PARD3B: variants seen among roughly 807,000 people sequenced by gnomAD.
PARD3B encodes partitioning defective 3 homolog B.
In PARD3B, 103 loss-of-function variants were observed where a neutral mutation model predicts 130.2. The ratio of observed to expected loss-of-function variants is 0.79; its 90% CI spans 0.67 to 0.93. The LOEUF is 0.93. PARD3B is among the 40% of genes least tolerant of loss of function. The pLI is 0.00. For missense variants in PARD3B, 1,609 were observed against 1,499.2 expected (o/e 1.07, Z -1.21); for synonymous variants, 583 against 553.2 (o/e 1.05, Z -0.76).
rs183893707 is a variant in PARD3B, at chr2:205,341,058, C to A, written c.2630+39357C>A. On this transcript the variant is annotated intron_variant, in intron 18 of 22. Coordinates refer to ENST00000406610, the MANE Select transcript of PARD3B (RefSeq NM_001302769.2). The surrounding 1 kb of genome is among the most constrained non-coding windows in gnomAD (Gnocchi z 4.3). ...AACCACAGTGAGATTTCATCTTATC[C>A]GAGTTTGAATGGCTATGATCAAAAA... Among the ~76,000 whole-genome samples the A allele has an allele frequency of 6.6e-6, 1 of 151,502 alleles. No individual in the cohort carries two copies. Among genetic ancestry groups the A allele is most frequent in the South Asian group, 2.1e-4 (1 of 4,820 alleles).
rs141078394 is a variant in PARD3B, at chr2:204,911,611, A to T, written c.223-53541A>T. On this transcript the variant is annotated intron_variant, in intron 2 of 22. Transcript: ENST00000406610. The stretch of plus-strand genomic sequence containing the variant: ...AGAAACCTTCATTTCAGTCTGCAAC[A>T]GTGTTGTTCTATGATGTGCTTAATG... Among the ~76,000 whole-genome samples, 332 of 152,306 alleles carry T rather than the reference A, an allele frequency of 2.2e-3. 3 individuals carry two copies. The highest frequency in any genetic ancestry group is 7.8e-3 in the African/African-American group (324 of 41,572).
In PARD3B at chr2:205,210,962, T is replaced by G. The variant is rs1348147258; in HGVS notation, c.2140+17642T>G. ...TTGCTCACAGGGGAAAATAGATACT[T>G]TGCTTTCATTTAAATGTTACCCTCT... On this transcript the variant is annotated intron_variant, in intron 15 of 22. Transcript: ENST00000406610. Among the ~76,000 whole-genome samples, 4 of 152,184 alleles carry G rather than the reference T, an allele frequency of 2.6e-5. No homozygotes were observed. The East Asian group carries it at 5.8e-4, about 22-fold the overall frequency.
intron 3 of PARD3B, among the ~76,000 whole-genome samples, chr2:204,987,541 A>T (rs1002717608): frequency 6.6e-6 from 1 of 152,202 alleles, no homozygotes; most frequent in East Asian, 1.9e-4. Context: ...ATGAACTCAG[A>T]TCATCATCTC....
chr2:204,902,097 A>G (rs1260697696), intron 2 of PARD3B, among the ~76,000 whole-genome samples: 1 of 152,220 alleles, frequency 6.6e-6, no homozygotes, highest in Non-Finnish European at 1.5e-5. Flanking sequence ...GCCTGGCTGC[A>G]TGGACCGTTT....
chr2:204,754,558 G>A (rs181686614), intron 2 of PARD3B, among the ~76,000 whole-genome samples: 87 of 152,242 alleles, frequency 5.7e-4, no homozygotes, highest in Non-Finnish European at 5.9e-5. Context: ...CATTTAGAAT[G>A]TCTGGCATGT....
intron 15 of PARD3B, among the ~76,000 whole-genome samples, chr2:205,210,839 G>A (rs528737322): frequency 6.6e-6 from 1 of 152,100 alleles, no homozygotes; most frequent in East Asian, 1.9e-4. Context: ...TATTGTGAAT[G>A]ATCTGAGCAT....
intron 18 of PARD3B, among the ~76,000 whole-genome samples, chr2:205,329,695 T>A (rs2043046430): frequency 6.6e-6 from 1 of 152,108 alleles, no homozygotes; most frequent in Non-Finnish European, 1.5e-5. Context: ...GAAATATGTA[T>A]AAGAAATAAT....
intron 2 of PARD3B, among the ~76,000 whole-genome samples, chr2:204,815,710 C>T (rs1296611028): frequency 1.3e-5 from 2 of 151,966 alleles, no homozygotes; most frequent in African/African-American, 2.4e-5. Flanking sequence ...CTTTGATATG[C>T]TTTGTTTTAA....
intron 21 of PARD3B, among the ~76,000 whole-genome samples, chr2:205,546,942 A>G (rs1484175860): frequency 1.3e-5 from 2 of 152,176 alleles, no homozygotes; most frequent in Non-Finnish European, 2.9e-5. Context: ...ATGCCATTAA[A>G]ATATGTATGT....
intron 18 of PARD3B, among the ~76,000 whole-genome samples, chr2:205,396,566 G>T (rs2046038259): frequency 6.6e-6 from 1 of 152,128 alleles, no homozygotes; most frequent in Non-Finnish European, 1.5e-5. Context: ...GTTGAAAGGT[G>T]ATTTTTCCAC....
At chr2:205,391,720 C>T (rs1359908811) in intron 18 of PARD3B, among the ~76,000 whole-genome samples, 4 of 152,284 alleles carry the variant, frequency 2.6e-5, no homozygotes, top group Admixed American at 2.0e-4. Context: ...ACTTAAAACT[C>T]AATGACAGTG....
intron 2 of PARD3B, among the ~76,000 whole-genome samples, chr2:204,846,684 G>A (rs769712025): frequency 2.0e-5 from 3 of 150,320 alleles, no homozygotes; most frequent in Admixed American, 6.7e-5. Flanking sequence ...GTGAGCACAC[G>A]AGATAGCCAG....
chr2:204,875,701 A>G (rs2045814688), intron 2 of PARD3B, among the ~76,000 whole-genome samples: 2 of 152,228 alleles, frequency 1.3e-5, no homozygotes, highest in South Asian at 4.1e-4. Context: ...TTCTCAGAGC[A>G]GTTCTTAATC....
rs1313928165 is a variant in PARD3B at position 205,172,318 on chromosome 2, G to T, written c.1728G>T (p.Met576Ile). The T allele has an allele frequency of 6.2e-7, 1 of 1,614,140 alleles. No homozygotes were observed. ...AMETLRRSMS[M>I]EGNIRGMIQL... ...AAACACTTAGGCGGTCAATGTCCATGGAGGGAAACATCCGAGGGATGATCC... is the reference window on the plus strand; with the variant it reads ...AAACACTTAGGCGGTCAATGTCCATTGAGGGAAACATCCGAGGGATGATCC... The change falls in exon 12 of 23, where the codon ATG (methionine) becomes ATT (isoleucine). Residue 576 changes from methionine (M) to isoleucine (I), a missense_variant. Physicochemically the swap from Met to Ile is conservative, Grantham distance 10. Coordinates refer to ENST00000406610, the MANE Select transcript of PARD3B (RefSeq NM_001302769.2).
rs143165206 is a variant in PARD3B, at chr2:205,437,880, A to G, written c.2742-2490A>G. Among the ~76,000 whole-genome samples the G allele has an allele frequency of 2.2e-4, 34 of 152,288 alleles. No individual in the cohort carries two copies. In the East Asian group the frequency reaches 5.6e-3, roughly 25 times the overall value. On this transcript the variant is annotated intron_variant, in intron 19 of 22. Transcript: ENST00000406610. ...AAATATTTTAACAGGTTGAGTTCCC[A>G]GTGGTAAGGAAACCTCTAAGTGGAA...
chr2:205,410,857 A>G (rs1036122943), intron 19 of PARD3B, among the ~76,000 whole-genome samples: 3 of 152,132 alleles, frequency 2.0e-5, no homozygotes, highest in African/African-American at 7.2e-5. Flanking sequence ...ATTTGAAAGG[A>G]TGCTCAATCT....
chr2:204,674,074 G>T (rs1384184498), intron 1 of PARD3B, among the ~76,000 whole-genome samples: 2 of 152,098 alleles, frequency 1.3e-5, no homozygotes, highest in African/African-American at 4.8e-5. Flanking sequence ...GTCTTCATTT[G>T]TATGACAAAT....
At chr2:204,743,877 C>A (rs981298331) in intron 2 of PARD3B, among the ~76,000 whole-genome samples, 1 of 152,090 alleles carries the variant, frequency 6.6e-6, no homozygotes, top group Non-Finnish European at 1.5e-5. Context: ...AAAGTAAGGA[C>A]TTCTCATTTC....
intron 2 of PARD3B, among the ~76,000 whole-genome samples, chr2:204,695,300 G>A (rs76577076): frequency 0.051 from 7,669 of 151,496 alleles, 556 homozygotes; most frequent in African/African-American, 0.15. Flanking sequence ...TGTAACTTAC[G>A]AATTACAATC....
Sources: allele counts gnomAD v4.1 joint callset (sites outside exome capture counted in the v4.1 genomes callset), GRCh38; gene constraint gnomAD v4.1.1; non-coding constraint Gnocchi (gnomAD v3.1); transcripts MANE v1.5; gene names NCBI Gene and HGNC (gene_info 2026-07-23, HGNC 2026-07-21).